MAF: variants seen among roughly 807,000 people sequenced by gnomAD.
MAF encodes MAF bZIP transcription factor, also known as transcription factor Maf.
A neutral mutation model predicts 22.0 loss-of-function variants in MAF; 10 were observed. That is an observed-to-expected ratio of 0.45 (90% CI 0.28 to 0.77). MAF has a LOEUF of 0.77. Ranked by LOEUF, MAF falls within the 30% of genes least tolerant of loss-of-function variation. The probability of loss-of-function intolerance (pLI) is 0.12; values close to 1 mark genes in which losing one functional copy is unlikely to be tolerated. For missense variants in MAF, 544 were observed against 548.4 expected (o/e 0.99, Z 0.08); for synonymous variants, 337 against 255.8 (o/e 1.32, Z -3.03).
the MAF span, among the ~76,000 whole-genome samples, chr16:79,484,347 A>G: frequency 6.6e-6 from 1 of 152,216 alleles, no homozygotes; most frequent in Non-Finnish European, 1.5e-5. Context: ...CTCCCCACCC[A>G]GGAACCAGAG....
chr16:79,427,818 A>C, the MAF span, among the ~76,000 whole-genome samples: 1 of 152,068 alleles, frequency 6.6e-6, no homozygotes, highest in Admixed American at 6.6e-5. Context: ...TAGACCATGC[A>C]CGGCCTCCTT....
chr16:79,398,408 G>T, the MAF span, among the ~76,000 whole-genome samples: 1 of 152,140 alleles, frequency 6.6e-6, no homozygotes, highest in Non-Finnish European at 1.5e-5. Flanking sequence ...ATTCATATTT[G>T]CATACTCCTC....
the MAF span, among the ~76,000 whole-genome samples, chr16:79,564,299 T>C: frequency 7.2e-5 from 11 of 152,350 alleles, no homozygotes; most frequent in African/African-American, 2.6e-4. Context: ...ACTTCTTTTT[T>C]GCATTTGTTA....
chr16:79,282,586 TA>T, the MAF span, among the ~76,000 whole-genome samples: 9 of 152,310 alleles, frequency 5.9e-5, no homozygotes, highest in African/African-American at 1.9e-4. Flanking sequence ...CCCCAAAGGC[TA>T]CGGTAACAGA....
At chr16:79,210,690 C>CTGAACAGCAGCCTATTATTTTTAA in the MAF span, among the ~76,000 whole-genome samples, 3 of 152,096 alleles carry the variant, frequency 2.0e-5, no homozygotes, top group Non-Finnish European at 2.9e-5. Flanking sequence ...ATGTCTCCCT[C>CTGAACAGCAGCCTATTATTTTTAA]TGAACAGCAG....
the MAF span, among the ~76,000 whole-genome samples, chr16:79,446,803 G>A: frequency 6.6e-6 from 1 of 152,032 alleles, no homozygotes; most frequent in Non-Finnish European, 1.5e-5. Flanking sequence ...CAGCTACACA[G>A]GTTGCGAGTC....
chr16:79,207,287 C>G, the MAF span, among the ~76,000 whole-genome samples: 1 of 152,226 alleles, frequency 6.6e-6, no homozygotes, highest in African/African-American at 2.4e-5. Context: ...CCAACAGACA[C>G]CAGATGAGTA....
chr16:79,517,805 C>T, the MAF span, among the ~76,000 whole-genome samples: 1 of 152,052 alleles, frequency 6.6e-6, no homozygotes, highest in African/African-American at 2.4e-5. Flanking sequence ...AAACTTCTGA[C>T]CTCAAGTGTT....
chr16:79,377,651 A>G, the MAF span, among the ~76,000 whole-genome samples: 1 of 152,096 alleles, frequency 6.6e-6, no homozygotes, highest in East Asian at 1.9e-4. Context: ...TAGCGTTTTT[A>G]TGGTTTTAGG....
the MAF span, among the ~76,000 whole-genome samples, chr16:79,326,023 G>C: frequency 6.6e-6 from 1 of 152,198 alleles, no homozygotes; most frequent in African/African-American, 2.4e-5. Context: ...ACCAGGGTCT[G>C]ACCACTGACT....
At chr16:79,391,844 G>C in the MAF span, among the ~76,000 whole-genome samples, 11 of 151,678 alleles carry the variant, frequency 7.3e-5, no homozygotes, top group African/African-American at 1.5e-4. Context: ...GAGAAAGTGG[G>C]GGAAAGAGAG....
chr16:79,258,330 C>T, the MAF span, among the ~76,000 whole-genome samples: 1 of 152,220 alleles, frequency 6.6e-6, no homozygotes, highest in Non-Finnish European at 1.5e-5. Context: ...CAGTCACCTG[C>T]TCCATGGGGA....
the MAF span, among the ~76,000 whole-genome samples, chr16:79,432,375 C>A: frequency 2.6e-5 from 4 of 151,972 alleles, no homozygotes; most frequent in African/African-American, 7.3e-5. Context: ...ACTAATACAC[C>A]CTATATATAC....
the MAF span, among the ~76,000 whole-genome samples, chr16:79,299,169 G>A: frequency 6.6e-6 from 1 of 152,204 alleles, no homozygotes; most frequent in African/African-American, 2.4e-5. Context: ...ACTGGATGCT[G>A]GTTAATGGGC....
chr16:79,214,027 T>TG, the MAF span, among the ~76,000 whole-genome samples: 1 of 152,146 alleles, frequency 6.6e-6, no homozygotes, highest in African/African-American at 2.4e-5. Context: ...ACTCAAGGGG[T>TG]GCATATTTGC....
At chr16:79,539,452 C>G in the MAF span, among the ~76,000 whole-genome samples, 1 of 151,932 alleles carries the variant, frequency 6.6e-6, no homozygotes, top group Non-Finnish European at 1.5e-5. Context: ...TGCAGTGAGC[C>G]GAGATCGCGC....
chr16:79,520,648 CAG>C, the MAF span, among the ~76,000 whole-genome samples: 1 of 152,124 alleles, frequency 6.6e-6, no homozygotes, highest in Non-Finnish European at 1.5e-5. Context: ...GCTAGAGAGA[CAG>C]AGAGAAAAAA....
At chr16:79,282,159 A>C in the MAF span, among the ~76,000 whole-genome samples, 4 of 152,088 alleles carry the variant, frequency 2.6e-5, no homozygotes, top group Non-Finnish European at 4.4e-5. Context: ...AAATTAGCCT[A>C]GTGCCATGAG....
the MAF span, among the ~76,000 whole-genome samples, chr16:79,399,559 T>C: frequency 3.9e-5 from 6 of 152,164 alleles, no homozygotes; most frequent in Admixed American, 1.3e-4. Flanking sequence ...TTGTTTTCCA[T>C]TTTTCAACTA....
Sources: allele counts gnomAD v4.1 joint callset (sites outside exome capture counted in the v4.1 genomes callset), GRCh38; gene constraint gnomAD v4.1.1; transcripts MANE v1.5; gene names NCBI Gene and HGNC (gene_info 2026-07-23, HGNC 2026-07-21).